The following ZGLP1 variants were observed in gnomAD, a reference collection of about 807,000 sequenced individuals.
ZGLP1 encodes the protein zinc finger GATA like protein 1, also known as GATA-type zinc finger protein 1.
ZGLP1 carries 11 observed loss-of-function variants against 21.4 expected under a neutral mutation model. The observed-to-expected ratio is 0.51, with a 90% confidence interval of 0.32 to 0.85. The LOEUF is 0.85. Among genes scored for constraint, ZGLP1 ranks in the 40% least tolerant of loss-of-function variants. The pLI is 0.03. For synonymous variants in ZGLP1, 148 were observed against 145.0 expected (o/e 1.02, Z -0.15); for missense variants, 295 against 355.6 (o/e 0.83, Z 1.37).
At chr19:10,309,400 G>A (rs2040299903) in exon 1 of ZGLP1, 1 of 152,672 alleles carries the variant, frequency 6.5e-6, no homozygotes, top group Admixed American at 6.5e-5. Context: ...CTGGGAGGGG[G>A]ATCCTCCCAG....
intron 1 of ZGLP1, among the ~76,000 whole-genome samples, chr19:10,306,402 C>T (rs532526952): frequency 2.0e-5 from 3 of 151,916 alleles, no homozygotes; most frequent in East Asian, 3.8e-4. Flanking sequence ...CATGAGCTAC[C>T]GTGCCCGACC....
In ZGLP1 at chr19:10,305,619, G is replaced by T; in HGVS notation, c.605-136C>A. On this transcript the variant is annotated intron_variant, in intron 2 of 3. Transcript: ENST00000403903. This position sits in a 1 kb window ranked among gnomAD's most constrained non-coding sequence, Gnocchi z 4.7. ...TCTGGATCAGCCCTGGGAGTTGCCA[G>T]CTCTAAGCCACAGCAAAGCCAGGAA... 1.2e-6 allele frequency: 1 copy of T among 817,398 alleles called. No individual in the cohort carries two copies. Among genetic ancestry groups the T allele is most frequent in the Non-Finnish European group, 2.0e-6 (1 of 506,174 alleles). 50.6% of individuals were successfully genotyped at this position (817,398 alleles called of 1,614,324 possible). A position where few individuals can be genotyped will look rare whatever the true frequency, so the allele number is the denominator to read the frequency against.
chr19:10,308,975 G>C (rs921160493), exon 1 of ZGLP1: 16 of 259,972 alleles, frequency 6.2e-5, no homozygotes, highest in Non-Finnish European at 1.0e-4. Context: ...TAGAACTCCT[G>C]GGCTCGACCG....
Position 10,305,785 on chromosome 19 carries a change from G to T in ZGLP1, c.604+61C>A. 7.5e-7 allele frequency: 1 copy of T among 1,327,538 alleles called. No individual in the cohort carries two copies. The highest frequency in any genetic ancestry group is 1.1e-6 in the Non-Finnish European group (1 of 942,882). 82.2% of individuals were successfully genotyped at this position (1,327,538 alleles called of 1,614,324 possible). On this transcript the variant is annotated intron_variant, in intron 2 of 3. Coordinates refer to ENST00000403903, the Ensembl canonical transcript of ZGLP1. This position sits in a 1 kb window ranked among gnomAD's most constrained non-coding sequence, Gnocchi z 4.7. ...GGAGAAGGGGGGGGCAGGGAGAAAG[G>T]CAGGGAAGACAGGAAATTGGCCCCC... is the stretch of plus-strand genomic sequence containing the variant.
exon 1 of ZGLP1, chr19:10,308,304 C>T (rs1246487631): frequency 3.7e-6 from 6 of 1,611,696 alleles, no homozygotes; most frequent in Non-Finnish European, 5.1e-6. Context: ...GTTTCCGGGG[C>T]CTTCTCTGGG....
chr19:10,307,811 C>T (rs142061904), intron 1 of ZGLP1, among the ~76,000 whole-genome samples: 196 of 152,342 alleles, frequency 1.3e-3, no homozygotes, highest in Non-Finnish European at 2.0e-3. Context: ...CCACTGTGCC[C>T]GGCCTCCCCA....
At position 10,305,872 on chromosome 19, in the gene ZGLP1, G is replaced by A. The variant is rs1455185892; in HGVS notation, c.578C>T (p.Ala193Val). Residue 193 changes from alanine (A) to valine (V), a missense_variant, in exon 2 of 4, where the codon GCC becomes GTC. By Grantham distance (64) the Ala-to-Val change is moderately conservative. Transcript: ENST00000403903. The surrounding 1 kb of genome is among the most constrained non-coding windows in gnomAD (Gnocchi z 4.7). Reference sequence around the variant, plus strand: ...CAGGGCCTCGCTGCCTGCTGAGTGGGCCTCGGTGCCTCCTGGGTGGGCTGC... The same window carrying A: ...CAGGGCCTCGCTGCCTGCTGAGTGGACCTCGGTGCCTCCTGGGTGGGCTGC... 14 of 1,559,134 alleles carry A rather than the reference G, an allele frequency of 9.0e-6. No homozygotes were observed. Among genetic ancestry groups the A allele is most frequent in the Non-Finnish European group, 1.2e-5 (14 of 1,150,426 alleles).
chr19:10,308,261 C>G, exon 1 of ZGLP1: 7 of 1,599,884 alleles, frequency 4.4e-6, no homozygotes, highest in Non-Finnish European at 6.0e-6. Context: ...AACCCAGGGT[C>G]CACTCTCTCG....
Position 10,305,976 on chromosome 19 carries a change from C to T in ZGLP1, c.498-24G>A. The T allele has an allele frequency of 6.7e-7, 1 of 1,500,700 alleles. No homozygotes were observed. The allele number at this position is 1,500,700 out of a possible 1,614,324, so 93.0% of individuals were successfully genotyped here. A position where few individuals can be genotyped will look rare whatever the true frequency, so the allele number is the denominator to read the frequency against. On this transcript the variant is annotated intron_variant, in intron 1 of 3. Transcript: ENST00000403903. This position sits in a 1 kb window ranked among gnomAD's most constrained non-coding sequence, Gnocchi z 4.7. ...GGCTGTGGGGCAGACAAGGTATTAG[C>T]ACTGGGGGGGATCTGTAGCTTGTCC... is the stretch of plus-strand genomic sequence containing the variant.
exon 1 of ZGLP1, chr19:10,308,780 C>T (rs1373901373): frequency 8.4e-7 from 1 of 1,187,368 alleles, no homozygotes; most frequent in Non-Finnish European, 1.1e-6. Flanking sequence ...CATCAATCAA[C>T]CCCTTACGGC....
At chr19:10,306,463 C>T (rs1489707675) in intron 1 of ZGLP1, among the ~76,000 whole-genome samples, 1 of 151,940 alleles carries the variant, frequency 6.6e-6, no homozygotes, top group Non-Finnish European at 1.5e-5. Flanking sequence ...GACAGCCTGC[C>T]AGGTTCCAAT....
chr19:10,309,382 G>C (rs1486564169), exon 1 of ZGLP1: 1 of 152,690 alleles, frequency 6.5e-6, no homozygotes, highest in Non-Finnish European at 1.5e-5. Flanking sequence ...TGGGGTCCTC[G>C]GCTTCTCCTG....
At position 10,305,355 on chromosome 19, in the gene ZGLP1, A is replaced by G; in HGVS notation, c.698+35T>C. On this transcript the variant is annotated intron_variant, in intron 3 of 3. Transcript: ENST00000403903. This position sits in a 1 kb window ranked among gnomAD's most constrained non-coding sequence, Gnocchi z 4.7. ...TGGTTACACGTGGACTGATTTGGGG[A>G]CCCCCGCCCCAACTCCCTCCTCCAT... is the stretch of plus-strand genomic sequence containing the variant. 1 of 1,556,372 alleles carries G rather than the reference A, an allele frequency of 6.4e-7. No homozygotes were observed. The highest frequency in any genetic ancestry group is 8.7e-7 in the Non-Finnish European group (1 of 1,146,268).
At chr19:10,307,346 C>CT (rs543276157) in intron 1 of ZGLP1, among the ~76,000 whole-genome samples, 17,333 of 122,830 alleles carry the variant, frequency 0.14, 1,388 homozygotes, top group Admixed American at 0.26. Context: ...CTTCCCAAAG[C>CT]TTTTTTTTTT....
At chr19:10,308,044 T>C (rs1008003385) in intron 1 of ZGLP1, 141 bp downstream of exon 2, 21 of 1,206,860 alleles carry the variant, frequency 1.7e-5, no homozygotes, top group Admixed American at 2.4e-5. Context: ...CCAGCTCAAG[T>C]TGTCAACCAG....
chr19:10,308,238 A>G, exon 1 of ZGLP1: 1 of 1,577,964 alleles, frequency 6.3e-7, no homozygotes, highest in South Asian at 1.1e-5. Flanking sequence ...GAAACTTCAG[A>G]GTCACCCCCT....
intron 1 of ZGLP1, among the ~76,000 whole-genome samples, chr19:10,306,409 G>A (rs1017749950): frequency 1.4e-4 from 21 of 151,938 alleles, no homozygotes; most frequent in Admixed American, 5.3e-4. Flanking sequence ...TACCGTGCCC[G>A]ACCTAATTAT....
exon 1 of ZGLP1, chr19:10,308,452 ACCGGGGTGT>A (rs757572089): frequency 6.8e-6 from 11 of 1,610,514 alleles, no homozygotes; most frequent in Non-Finnish European, 9.3e-6. Flanking sequence ...AGGCCCCAGG[ACCGGGGTGT>A]CCTGGGCAGG....
At position 10,305,930 on chromosome 19, in the gene ZGLP1, G is replaced by T. The variant is rs868655623; in HGVS notation, c.520C>A (p.Gln174Lys). ...CCAACAGCATCTGCAGGGGATTCCTGAGAACGGCTACTGCAGGGCAGGCTG... is the reference window on the plus strand; with the variant it reads ...CCAACAGCATCTGCAGGGGATTCCTTAGAACGGCTACTGCAGGGCAGGCTG... Residue 174 changes from glutamine to lysine, a missense_variant, in exon 2 of 4, where the codon CAG (glutamine) becomes AAG (lysine). By Grantham distance (53) the Gln-to-Lys change is moderately conservative (BLOSUM62 1). This residue lies in a region of ZGLP1 where 252 missense variants were observed against 264.0 expected (regional missense o/e 0.95). Transcript: ENST00000403903. The surrounding 1 kb of genome is among the most constrained non-coding windows in gnomAD (Gnocchi z 4.7). 6.4e-7 allele frequency: 1 copy of T among 1,563,288 alleles called. No homozygotes were observed. Among genetic ancestry groups the T allele is most frequent in the Non-Finnish European group, 8.7e-7 (1 of 1,152,444 alleles).
Sources: allele counts gnomAD v4.1 joint callset (sites outside exome capture counted in the v4.1 genomes callset), GRCh38; gene constraint gnomAD v4.1.1; regional missense constraint gnomAD v4.1.1; non-coding constraint Gnocchi (gnomAD v3.1); transcripts MANE v1.5; gene names NCBI Gene and HGNC (gene_info 2026-07-23, HGNC 2026-07-21).